Variants in LRRIQ1 observed in about 807,000 individuals in gnomAD.
LRRIQ1 encodes leucine rich repeats and IQ motif containing 1.
In LRRIQ1, 210 loss-of-function variants were observed where a neutral mutation model predicts 211.9. The ratio of observed to expected loss-of-function variants is 0.99; its 90% CI spans 0.89 to 1.11. The LOEUF (loss-of-function observed/expected upper bound fraction) is 1.11, where lower values mean the gene tolerates loss of function less well. Among genes scored for constraint, LRRIQ1 ranks in the 50% most tolerant of loss-of-function variants. The pLI is 0.00. For synonymous variants in LRRIQ1, 699 were observed against 650.1 expected (o/e 1.08, Z -1.14); for missense variants, 2,136 against 1,939.5 (o/e 1.10, Z -1.90).
downstream of LRRIQ1, among the ~76,000 whole-genome samples, chr12:85,267,944 G>A (rs1475765981): frequency 6.6e-6 from 1 of 151,894 alleles, no homozygotes; most frequent in Non-Finnish European, 1.5e-5. Flanking sequence ...ACTCAATAGC[G>A]TCAAGTGAGA....
At chr12:85,131,754 T>C (rs539523083) in intron 18 of LRRIQ1, among the ~76,000 whole-genome samples, 2 of 152,144 alleles carry the variant, frequency 1.3e-5, no homozygotes, top group African/African-American at 4.8e-5. Context: ...GAGTTGATGA[T>C]AGTTGGAGAA....
At position 85,244,854 on chromosome 12, in the gene LRRIQ1, G is replaced by T. The variant is rs2137276702; in HGVS notation, c.5082G>T (p.Leu1694Phe). ...DLFSMTNGSA[L>F]SVNREKKNQA... ...TTTCCATGACCAATGGAAGTGCTTT[G>T]TCTGTGAACAGAGAAAAAAAAAATC... Residue 1694 changes from leucine (L) to phenylalanine (F), a missense_variant, in exon 27 of 27, where the codon TTG becomes TTT. Physicochemically the swap from Leu to Phe is conservative, Grantham distance 22. Transcript: ENST00000393217. 1.9e-6 allele frequency: 3 copies of T among 1,605,664 alleles called. No homozygotes were observed. Among genetic ancestry groups the T allele is most frequent in the Non-Finnish European group, 1.7e-6 (2 of 1,175,150 alleles).
intron 19 of LRRIQ1, among the ~76,000 whole-genome samples, chr12:85,142,587 T>A (rs978573128): frequency 6.6e-6 from 1 of 151,470 alleles, no homozygotes; most frequent in African/African-American, 2.4e-5. Context: ...AAATTTTGTA[T>A]GCTGTGACCA....
intron 7 of LRRIQ1, among the ~76,000 whole-genome samples, chr12:85,053,726 A>G (rs1880610805): frequency 6.6e-6 from 1 of 152,014 alleles, no homozygotes. Context: ...TTTGTTTTTT[A>G]AGATGGAGTC....
In LRRIQ1 at chr12:85,055,778, C is replaced by T. The variant is rs752166047; in HGVS notation, c.985C>T (p.Arg329Ter). The T allele has an allele frequency of 2.7e-5, 43 of 1,589,642 alleles. No homozygotes were observed. In the South Asian group the frequency reaches 3.4e-4, roughly 12 times the overall value. The change falls in exon 8 of 27, where the codon CGA (arginine) becomes TGA (stop). Residue 329 changes from arginine (R) to a stop codon, truncating the protein, a stop_gained. Transcript: ENST00000393217. LOFTEE classifies it high-confidence loss of function. ...GTGGAAGGAAAAGGAAGCAAAAATA[C>T]GACAAAAGGAGGAAGAAAATCGAAA... Reference protein sequence around the residue: ...QEWKEKEAKIRQKEEENRKRL... With the variant: ...QEWKEKEAKI
At chr12:85,187,684 C>T (rs1218343856) in intron 24 of LRRIQ1, among the ~76,000 whole-genome samples, 1 of 151,620 alleles carries the variant, frequency 6.6e-6, no homozygotes, top group Non-Finnish European at 1.5e-5. Context: ...TGGCTCATGC[C>T]TGTAATCCCA....
chr12:85,147,092 G>C (rs1889942890), intron 19 of LRRIQ1, among the ~76,000 whole-genome samples: 1 of 151,914 alleles, frequency 6.6e-6, no homozygotes, highest in East Asian at 1.9e-4. Context: ...TTGTTGATTA[G>C]CTTGTGTCAC....
At chr12:85,076,755 C>T (rs1323633054) in intron 11 of LRRIQ1, 1 of 155,904 alleles carries the variant, frequency 6.4e-6, no homozygotes, top group African/African-American at 2.5e-5. Context: ...TTATAAGAAT[C>T]TTTTTCACTA....
At chr12:85,094,308 T>C (rs1395963094) in intron 11 of LRRIQ1, among the ~76,000 whole-genome samples, 1 of 152,160 alleles carries the variant, frequency 6.6e-6, no homozygotes, top group Non-Finnish European at 1.5e-5. Context: ...TTCTACTTTG[T>C]GGTGAGTTGT....
At chr12:85,199,075 G>A (rs950517637) in intron 24 of LRRIQ1, among the ~76,000 whole-genome samples, 1 of 152,048 alleles carries the variant, frequency 6.6e-6, no homozygotes, top group Non-Finnish European at 1.5e-5. Context: ...TGTTTACTCC[G>A]TTGATAGTTT....
At position 85,065,353 on chromosome 12, in the gene LRRIQ1, G is replaced by A. The variant is rs755266698; in HGVS notation, c.2483G>A (p.Cys828Tyr). 6.2e-7 allele frequency: 1 copy of A among 1,611,004 alleles called. No individual in the cohort carries two copies. The highest frequency in any genetic ancestry group is 8.5e-7 in the Non-Finnish European group (1 of 1,177,994). ...TNLQFLSLRR[C>Y]GLTSLHSLSN... ...CTTCAGTTTCTATCCCTTCGACGCT[G>A]TGGATTAACTTCTTTGCACAGCCTG... Residue 828 changes from cysteine (C) to tyrosine (Y), a missense_variant, in exon 9 of 27, where the codon TGT becomes TAT. Coordinates refer to ENST00000393217, the MANE Select transcript of LRRIQ1 (RefSeq NM_001079910.2).
intron 19 of LRRIQ1, among the ~76,000 whole-genome samples, chr12:85,142,574 G>C (rs569426690): frequency 1.2e-3 from 176 of 151,470 alleles, no homozygotes; most frequent in Non-Finnish European, 1.9e-3. Flanking sequence ...TCCTCTCTAA[G>C]TGAAATTTTG....
chr12:85,113,660 A>G (rs11116715), intron 15 of LRRIQ1, among the ~76,000 whole-genome samples: 33,344 of 151,878 alleles, frequency 0.22, 4,333 homozygotes, highest in Admixed American at 0.31. Context: ...AACTCATTTA[A>G]TTTTACATTA....
intron 25 of LRRIQ1, 61 bp from the exon 26 acceptor site, chr12:85,232,635 C>A (rs542980627): frequency 2.0e-5 from 27 of 1,368,830 alleles, no homozygotes; most frequent in Non-Finnish European, 2.8e-5. Context: ...TTGGACGTTT[C>A]TTTTATATGC....
intron 10 of LRRIQ1, among the ~76,000 whole-genome samples, chr12:85,068,007 G>A (rs955661453): frequency 1.3e-5 from 2 of 151,832 alleles, no homozygotes; most frequent in Non-Finnish European, 2.9e-5. Context: ...TATTGCCAGC[G>A]TGATGATGCT....
rs927046138 is a variant in LRRIQ1, at chr12:85,239,291, A to G, written c.5017-5498A>G. Among the ~76,000 whole-genome samples, 179 of 151,770 alleles carry G rather than the reference A, an allele frequency of 1.2e-3. 1 individual carries two copies. The highest frequency in any genetic ancestry group is 1.5e-3 in the Non-Finnish European group (102 of 67,974). ...GCAAATGCAATCTTGAAAAAAGAATAGTAAGACTCGTGCTACACAGAATTC... is the reference window on the plus strand; with the variant it reads ...GCAAATGCAATCTTGAAAAAAGAATGGTAAGACTCGTGCTACACAGAATTC... On this transcript the variant is annotated intron_variant, in intron 26 of 26. Coordinates refer to ENST00000393217, the MANE Select transcript of LRRIQ1 (RefSeq NM_001079910.2).
chr12:85,145,316 G>A (rs1207869552), intron 19 of LRRIQ1, among the ~76,000 whole-genome samples: 2 of 151,568 alleles, frequency 1.3e-5, no homozygotes, highest in Non-Finnish European at 3.0e-5. Context: ...GGATCCAAAA[G>A]CCTAGATCAA....
At position 85,046,178 on chromosome 12, in the gene LRRIQ1, A is replaced by G. The variant is rs745401350; in HGVS notation, c.454+41A>G. On this transcript the variant is annotated intron_variant, in intron 5 of 26. Transcript: ENST00000393217. ...CAATGATATGTTTGTTGATTTTTATATGATTGATCATAGTTATTTAAAAAA... is the reference window on the plus strand; with the variant it reads ...CAATGATATGTTTGTTGATTTTTATGTGATTGATCATAGTTATTTAAAAAA... 4.2e-6 allele frequency: 5 copies of G among 1,177,144 alleles called. No homozygotes were observed. The Admixed American group carries it at 9.7e-5, about 23-fold the overall frequency. 72.9% of individuals were successfully genotyped at this position (1,177,144 alleles called of 1,614,324 possible).
chr12:85,056,492 A>C lies in LRRIQ1; in HGVS notation c.1699A>C (p.Lys567Gln). The change falls in exon 8 of 27, where the codon AAA (lysine) becomes CAA (glutamine). Residue 567 changes from lysine to glutamine, a missense_variant. By Grantham distance (53) the Lys-to-Gln change is moderately conservative. Coordinates refer to ENST00000393217, the MANE Select transcript of LRRIQ1 (RefSeq NM_001079910.2). ...ACATAACCAAGAAATCAGTGAGGTG[A>C]AAACCAATGAAGAGCAGAAAATAAT... ...LGHNQEISEV[K>Q]TNEEQKIIKD... 1.2e-6 allele frequency: 2 copies of C among 1,612,132 alleles called. No homozygotes were observed. Among genetic ancestry groups the C allele is most frequent in the South Asian group, 2.2e-5 (2 of 90,592 alleles).
Sources: allele counts gnomAD v4.1 joint callset (sites outside exome capture counted in the v4.1 genomes callset), GRCh38; gene constraint gnomAD v4.1.1; transcripts MANE v1.5; gene names NCBI Gene and HGNC (gene_info 2026-07-23, HGNC 2026-07-21).